Variants in NRG1 observed in about 807,000 individuals in gnomAD.
NRG1 encodes the protein neuregulin 1, also known as pro-neuregulin-1, membrane-bound isoform.
A neutral mutation model predicts 63.8 loss-of-function variants in NRG1; 18 were observed. The observed-to-expected ratio is 0.28, with a 90% CI of 0.19 to 0.42. NRG1 has a LOEUF of 0.42. Ranked by LOEUF, NRG1 falls within the 10% of genes least tolerant of loss-of-function variation. The pLI, the probability that NRG1 is intolerant of heterozygous loss-of-function variation, is 1.00. For synonymous variants in NRG1, 302 were observed against 301.3 expected (o/e 1.00, Z -0.02); for missense variants, 762 against 814.7 (o/e 0.94, Z 0.79).
intron 1 of NRG1, among the ~76,000 whole-genome samples, chr8:31,870,078 AG>A (rs1209945287): frequency 6.6e-6 from 1 of 152,168 alleles, no homozygotes; most frequent in Non-Finnish European, 1.5e-5. Context: ...AAAAGGAATG[AG>A]TTTAGGTTTT....
intron 1 of NRG1, among the ~76,000 whole-genome samples, chr8:31,759,614 C>T (rs553331824): frequency 1.3e-5 from 2 of 152,070 alleles, no homozygotes; most frequent in African/African-American, 4.8e-5. Context: ...CAGTACCATA[C>T]TCTTAGTTAA....
At chr8:32,406,377 A>G (rs921318207) in intron 1 of NRG1, among the ~76,000 whole-genome samples, 1 of 152,210 alleles carries the variant, frequency 6.6e-6, no homozygotes, top group Non-Finnish European at 1.5e-5. Flanking sequence ...ATAGTACCTT[A>G]TTCAAAGGTT....
chr8:32,086,188 T>C (rs906262064), intron 1 of NRG1, among the ~76,000 whole-genome samples: 2 of 152,218 alleles, frequency 1.3e-5, no homozygotes, highest in Non-Finnish European at 1.5e-5. Flanking sequence ...TTAAAGAATG[T>C]TAACTAGCTT....
intron 1 of NRG1, among the ~76,000 whole-genome samples, chr8:31,677,922 T>C (rs1033025143): frequency 5.9e-5 from 9 of 152,134 alleles, no homozygotes; most frequent in African/African-American, 2.2e-4. Flanking sequence ...TGGTAAAATA[T>C]ACCTCAGAAG....
intron 1 of NRG1, among the ~76,000 whole-genome samples, chr8:31,809,822 C>T (rs1309478384): frequency 1.4e-5 from 2 of 145,488 alleles, no homozygotes; most frequent in Admixed American, 7.0e-5. Flanking sequence ...GTTTCTGACC[C>T]GAGTGCTCTC....
intron 1 of NRG1, among the ~76,000 whole-genome samples, chr8:32,520,269 C>T (rs576871483): frequency 6.3e-4 from 96 of 152,046 alleles, no homozygotes; most frequent in Middle Eastern, 6.9e-3. Flanking sequence ...TTAAGTAATA[C>T]TCCCACTTCT....
rs982231551 is a variant in NRG1, at chr8:32,244,468, A to G, written c.38-351360A>G. On this transcript the variant is annotated intron_variant, in intron 1 of 10. Transcript: ENST00000519301. Reference sequence around the variant, plus strand: ...GTATTGTCAAAGTCAGTGTACAATCAGGAAATTAAAGAGATTATTTTATCC... The same window carrying G: ...GTATTGTCAAAGTCAGTGTACAATCGGGAAATTAAAGAGATTATTTTATCC... 3.9e-5 allele frequency among the ~76,000 whole-genome samples: 6 copies of G among 152,212 alleles called. 1 individual carries two copies. The highest frequency in any genetic ancestry group is 1.2e-4 in the African/African-American group (5 of 41,468).
At chr8:32,470,761 A>T (rs530528959) in intron 1 of NRG1, among the ~76,000 whole-genome samples, 20 of 151,520 alleles carry the variant, frequency 1.3e-4, no homozygotes, top group African/African-American at 4.8e-4. Flanking sequence ...ATCTTTTAGG[A>T]GCCTTTTTGC....
chr8:32,370,895 C>T (rs904571464), intron 1 of NRG1, among the ~76,000 whole-genome samples: 2 of 133,698 alleles, frequency 1.5e-5, no homozygotes, highest in Non-Finnish European at 3.2e-5. Context: ...ACAACAACAA[C>T]GACAAAACTG....
intron 1 of NRG1, among the ~76,000 whole-genome samples, chr8:32,409,887 G>C (rs892922144): frequency 6.6e-6 from 1 of 152,176 alleles, no homozygotes; most frequent in Non-Finnish European, 1.5e-5. Flanking sequence ...CAACCTTGCT[G>C]ATGGATTTCT....
chr8:32,403,602 C>T (rs1160354127), intron 1 of NRG1, among the ~76,000 whole-genome samples: 2 of 152,118 alleles, frequency 1.3e-5, no homozygotes, highest in East Asian at 1.9e-4. Flanking sequence ...CCTCCCTGCT[C>T]GAAAGTCTCC....
chr8:31,826,841 CT>C (rs1356727655), intron 1 of NRG1, among the ~76,000 whole-genome samples: 17 of 152,174 alleles, frequency 1.1e-4, no homozygotes, highest in African/African-American at 4.1e-4. Flanking sequence ...AAGTTTGTTA[CT>C]TTGTTTGAGA....
intron 7 of NRG1, among the ~76,000 whole-genome samples, chr8:32,745,102 G>GT (rs1468750980): frequency 9.2e-5 from 14 of 152,104 alleles, no homozygotes; most frequent in Admixed American, 5.3e-4. Flanking sequence ...CTTACCGAGA[G>GT]TTTTTTCAAT....
intron 1 of NRG1, among the ~76,000 whole-genome samples, chr8:32,139,745 T>C (rs1247995389): frequency 6.6e-6 from 1 of 152,038 alleles, no homozygotes; most frequent in African/African-American, 2.4e-5. Context: ...CAACCTGTAC[T>C]CCAAAATCAA....
chr8:31,845,301 A>C (rs1437918720), intron 1 of NRG1, among the ~76,000 whole-genome samples: 1 of 152,110 alleles, frequency 6.6e-6, no homozygotes, highest in Non-Finnish European at 1.5e-5. Context: ...TTGTTAGGGA[A>C]AATCCTCCTA....
At chr8:32,094,806 G>A (rs775645846) in intron 1 of NRG1, among the ~76,000 whole-genome samples, 16 of 149,004 alleles carry the variant, frequency 1.1e-4, no homozygotes, top group Middle Eastern at 3.4e-3. Context: ...TTAATAAATC[G>A]TTTCTGGCAC....
chr8:32,124,114 G>A (rs570320554), intron 1 of NRG1, among the ~76,000 whole-genome samples: 2 of 151,830 alleles, frequency 1.3e-5, no homozygotes, highest in African/African-American at 2.4e-5. Flanking sequence ...TTGCATAAAT[G>A]ACATGTGACA....
At chr8:32,238,082 G>T (rs1019608979) in intron 1 of NRG1, among the ~76,000 whole-genome samples, 36 of 152,102 alleles carry the variant, frequency 2.4e-4, no homozygotes, top group Admixed American at 2.4e-3. Flanking sequence ...TGTCAGTTTT[G>T]CTCCAAGGGC....
intron 1 of NRG1, among the ~76,000 whole-genome samples, chr8:32,204,610 T>C (rs533071007): frequency 5.9e-5 from 9 of 152,306 alleles, no homozygotes; most frequent in African/African-American, 9.6e-5. Flanking sequence ...AAATGAGAAA[T>C]AACATTTGTG....
Sources: gnomAD v4.1 joint callset for allele counts (sites outside exome capture counted in the v4.1 genomes callset) on GRCh38, gnomAD v4.1.1 for gene constraint, MANE v1.5 for transcripts, NCBI Gene and HGNC (gene_info 2026-07-23, HGNC 2026-07-21) for gene names.